SMPD3: variants seen among roughly 807,000 people sequenced by gnomAD.
SMPD3 encodes the protein nSMase-2.
Under a neutral mutation model 55.7 loss-of-function variants are expected in SMPD3, and 21 were observed. The ratio of observed to expected loss-of-function variants is 0.38; its 90% confidence interval spans 0.27 to 0.54. The LOEUF is 0.54. Ranked by LOEUF, SMPD3 falls within the 20% of genes least tolerant of loss-of-function variation. The probability of loss-of-function intolerance (pLI) is 0.80; values close to 1 mark genes in which losing one functional copy is unlikely to be tolerated. For synonymous variants in SMPD3, 457 were observed against 404.3 expected (o/e 1.13, Z -1.56); for missense variants, 842 against 899.6 (o/e 0.94, Z 0.82).
intron 1 of SMPD3, among the ~76,000 whole-genome samples, chr16:68,402,917 C>A (rs1383046587): frequency 6.6e-6 from 1 of 152,226 alleles, no homozygotes. Context: ...CTTGTTGGGC[C>A]TGAGATGTGC....
chr16:68,445,266 AAAGAGGAGAAAAGAG>A (rs1433641787), intron 1 of SMPD3, among the ~76,000 whole-genome samples: 1 of 152,220 alleles, frequency 6.6e-6, no homozygotes, highest in African/African-American at 2.4e-5. Flanking sequence ...TGGAACAGGG[AAAGAGGAGAAAAGAG>A]TAGTAGAGGT....
At chr16:68,438,811 G>A (rs1313818096) in intron 1 of SMPD3, among the ~76,000 whole-genome samples, 1 of 152,060 alleles carries the variant, frequency 6.6e-6, no homozygotes, top group Non-Finnish European at 1.5e-5. Flanking sequence ...CAAAATAATA[G>A]TTACTGGGTT....
chr16:68,364,003 C>A, intron 5 of SMPD3, 137 bp from the exon 6 acceptor site: 1 of 738,824 alleles, frequency 1.4e-6, no homozygotes, highest in Non-Finnish European at 2.2e-6. Context: ...TGGGTGGGAT[C>A]TCAGTCCCAT....
At chr16:68,424,401 C>T (rs1268380422) in intron 1 of SMPD3, among the ~76,000 whole-genome samples, 2 of 152,052 alleles carry the variant, frequency 1.3e-5, no homozygotes, top group African/African-American at 4.8e-5. Context: ...CTCCTGGGCA[C>T]TGCCTGCAGA....
chr16:68,370,729 C>A, intron 3 of SMPD3, 130 bp downstream of exon 3: 1 of 1,233,166 alleles, frequency 8.1e-7, no homozygotes, highest in South Asian at 1.5e-5. Flanking sequence ...GGAAAGACCG[C>A]GTCTGCCTCC....
chr16:68,426,097 T>C (rs1359215616), intron 1 of SMPD3, among the ~76,000 whole-genome samples: 1 of 152,172 alleles, frequency 6.6e-6, no homozygotes, highest in Non-Finnish European at 1.5e-5. Flanking sequence ...GAGGCTCTAT[T>C]TTAGCCATCT....
At chr16:68,374,016 G>A (rs565518818) in intron 2 of SMPD3, among the ~76,000 whole-genome samples, 4 of 152,186 alleles carry the variant, frequency 2.6e-5, no homozygotes, top group East Asian at 1.9e-4. Flanking sequence ...TCTCATCCCC[G>A]CCACGTGTGG....
intron 1 of SMPD3, among the ~76,000 whole-genome samples, chr16:68,410,047 C>T (rs1461502336): frequency 1.3e-5 from 2 of 152,216 alleles, no homozygotes; most frequent in Non-Finnish European, 2.9e-5. Context: ...CTGACCCTAA[C>T]GAGGCAGAGA....
At position 68,359,052 on chromosome 16, in the gene SMPD3, G is replaced by A. The variant is rs1026413416; in HGVS notation, c.*2154C>T. ...ACTTGCCTAAGGCCGCCTGTGAGGT[G>A]GGAGGGGAGGAGCATGCAGCCCTGA... On this transcript the variant is annotated 3_prime_UTR_variant, in exon 9 of 9. Transcript: ENST00000219334. 6.5e-6 allele frequency: 1 copy of A among 152,674 alleles called. No individual in the cohort carries two copies. The highest frequency in any genetic ancestry group is 2.4e-5 in the African/African-American group (1 of 41,472). The allele number at this position is 152,674 out of a possible 1,614,324, so 9.5% of individuals were successfully genotyped here.
intron 1 of SMPD3, among the ~76,000 whole-genome samples, chr16:68,386,985 G>T (rs1015371662): frequency 2.6e-5 from 4 of 152,162 alleles, no homozygotes; most frequent in African/African-American, 4.8e-5. Context: ...GGCGCAGGGG[G>T]TGCGGGGTGA....
chr16:68,363,787 C>T lies in SMPD3; in HGVS notation c.1635G>A (p.Pro545=), dbSNP rs1352482492. The T allele has an allele frequency of 1.0e-5, 16 of 1,565,454 alleles. No individual in the cohort carries two copies. Among genetic ancestry groups the T allele is most frequent in the South Asian group, 2.3e-5 (2 of 85,218 alleles). Residue 545 remains proline (P), a synonymous_variant, in exon 6 of 9, where the codon CCG becomes CCA. Transcript: ENST00000219334. ...PCRLGPGEEK[P]WAIGTLLDTN... is the part of the protein sequence containing the mutation. The stretch of plus-strand genomic sequence containing the variant: ...CCAGCCCCAGCTCACCGATGGCCCA[C>T]GGCTTCTCCTCACCAGGCCCCAGGC...
chr16:68,362,902 A>G (rs898242181), intron 7 of SMPD3, among the ~76,000 whole-genome samples: 4 of 152,214 alleles, frequency 2.6e-5, no homozygotes, highest in Non-Finnish European at 4.4e-5. Context: ...AATTGGCTCA[A>G]ATTAGCTGCA....
At position 68,379,209 on chromosome 16, in the gene SMPD3, G is replaced by A. The variant is rs560609722; in HGVS notation, c.-206-6822C>T. ...GTCCTGGGAGGCCCTGCAGAACCTGGTGCCTCTGGCCTGTGCCTTATCGGC... is the reference window on the plus strand; with the variant it reads ...GTCCTGGGAGGCCCTGCAGAACCTGATGCCTCTGGCCTGTGCCTTATCGGC... On this transcript the variant is annotated intron_variant, in intron 2 of 8. Transcript: ENST00000219334. Among the ~76,000 whole-genome samples the A allele has an allele frequency of 5.9e-5, 9 of 152,358 alleles. 1 individual carries two copies. The South Asian group carries it at 1.9e-3, about 32-fold the overall frequency.
chr16:68,422,425 A>C (rs965305401), intron 1 of SMPD3, among the ~76,000 whole-genome samples: 6 of 152,322 alleles, frequency 3.9e-5, no homozygotes, highest in African/African-American at 1.4e-4. Context: ...TGGACAAGAT[A>C]GACGTATAAG....
chr16:68,407,401 A>AT (rs1398159638), intron 1 of SMPD3, among the ~76,000 whole-genome samples: 1 of 152,184 alleles, frequency 6.6e-6, no homozygotes, highest in Non-Finnish European at 1.5e-5. Context: ...TTTTAAGAGT[A>AT]TTTTTTTGTT....
chr16:68,413,437 T>C (rs2090317051), intron 1 of SMPD3, among the ~76,000 whole-genome samples: 3 of 152,270 alleles, frequency 2.0e-5, no homozygotes, highest in Admixed American at 6.5e-5. Context: ...GATAGTTTTG[T>C]GAACCCTGTC....
At chr16:68,367,007 CA>C (rs35797796) in intron 3 of SMPD3, among the ~76,000 whole-genome samples, 2,670 of 129,440 alleles carry the variant, frequency 0.021, 78 homozygotes, top group East Asian at 0.15. Flanking sequence ...GACTCTGTCT[CA>C]AAAAAAAAAA....
chr16:68,390,649 A>T (rs1256004151), intron 1 of SMPD3, among the ~76,000 whole-genome samples: 1 of 152,210 alleles, frequency 6.6e-6, no homozygotes, highest in Non-Finnish European at 1.5e-5. Flanking sequence ...TGACAAAGTG[A>T]GACCTGTCTC....
chr16:68,378,242 A>C (rs1459700974), intron 2 of SMPD3, among the ~76,000 whole-genome samples: 1 of 152,208 alleles, frequency 6.6e-6, no homozygotes, highest in Non-Finnish European at 1.5e-5. Flanking sequence ...CACTGAGCTC[A>C]GGCCGGGCCA....
Sources: allele counts gnomAD v4.1 joint callset (sites outside exome capture counted in the v4.1 genomes callset), GRCh38; gene constraint gnomAD v4.1.1; transcripts MANE v1.5; gene names NCBI Gene and HGNC (gene_info 2026-07-23, HGNC 2026-07-21).